Variants in CNTN5 observed in about 807,000 individuals in gnomAD.
CNTN5 encodes the protein contactin-5.
Under a neutral mutation model 129.1 loss-of-function variants are expected in CNTN5, and 77 were observed. The observed-to-expected ratio is 0.60, with a 90% confidence interval of 0.50 to 0.72. The LOEUF (loss-of-function observed/expected upper bound fraction) is 0.72. Among genes scored for constraint, CNTN5 ranks in the 30% least tolerant of loss-of-function variants. The pLI is 0.00. For missense variants in CNTN5, 1,478 were observed against 1,328.8 expected (o/e 1.11, Z -1.75); for synonymous variants, 509 against 465.6 (o/e 1.09, Z -1.20).
At chr11:99,436,061 T>G (rs984438391) in intron 2 of CNTN5, among the ~76,000 whole-genome samples, 1 of 152,192 alleles carries the variant, frequency 6.6e-6, no homozygotes, top group Non-Finnish European at 1.5e-5. Flanking sequence ...TACTAATGCA[T>G]GATCTCATAT....
intron 1 of CNTN5, among the ~76,000 whole-genome samples, chr11:99,187,961 A>G (rs910661680): frequency 4.0e-5 from 6 of 151,858 alleles, no homozygotes; most frequent in African/African-American, 1.4e-4. Flanking sequence ...TTACTATTAT[A>G]AATATAAACA....
chr11:99,728,238 A>G (rs1395413312), intron 3 of CNTN5, among the ~76,000 whole-genome samples: 3 of 152,166 alleles, frequency 2.0e-5, no homozygotes, highest in Non-Finnish European at 4.4e-5. Context: ...GAAGGCATAG[A>G]TATTGAGCAG....
intron 2 of CNTN5, among the ~76,000 whole-genome samples, chr11:99,474,730 T>C (rs946704633): frequency 6.6e-6 from 1 of 152,122 alleles, no homozygotes; most frequent in African/African-American, 2.4e-5. Flanking sequence ...TTTTGAGCGT[T>C]TTCAAATAAA....
At chr11:99,652,835 C>A (rs760046651) in intron 3 of CNTN5, among the ~76,000 whole-genome samples, 2 of 151,992 alleles carry the variant, frequency 1.3e-5, no homozygotes, top group Non-Finnish European at 2.9e-5. Flanking sequence ...CAAAGTAGTA[C>A]CTTTCTAAAG....
intron 18 of CNTN5, among the ~76,000 whole-genome samples, chr11:100,291,670 G>T (rs1026836208): frequency 1.3e-5 from 2 of 151,330 alleles, no homozygotes; most frequent in African/African-American, 4.8e-5. Context: ...GTTAGTGGGT[G>T]CAGCGCACCA....
chr11:99,527,990 C>T (rs1014219606), intron 2 of CNTN5, among the ~76,000 whole-genome samples: 17 of 152,048 alleles, frequency 1.1e-4, no homozygotes. Context: ...GAAATTTTTA[C>T]AAATAACTGG....
intron 7 of CNTN5, among the ~76,000 whole-genome samples, chr11:99,916,739 G>T (rs968642824): frequency 6.6e-6 from 1 of 152,030 alleles, no homozygotes; most frequent in African/African-American, 2.4e-5. Flanking sequence ...ACGTCCTTTT[G>T]CAAGCTTACA....
chr11:99,470,883 G>A (rs1945145724), intron 2 of CNTN5, among the ~76,000 whole-genome samples: 1 of 151,962 alleles, frequency 6.6e-6, no homozygotes, highest in Non-Finnish European at 1.5e-5. Flanking sequence ...ACTTTCACAA[G>A]TATAGATTCA....
intron 3 of CNTN5, among the ~76,000 whole-genome samples, chr11:99,664,459 A>C (rs1952712363): frequency 6.6e-6 from 1 of 152,146 alleles, no homozygotes; most frequent in African/African-American, 2.4e-5. Flanking sequence ...GCAAGGGTGC[A>C]AGGAAAACCT....
intron 3 of CNTN5, among the ~76,000 whole-genome samples, chr11:99,594,375 G>A (rs1036567745): frequency 2.2e-4 from 33 of 152,216 alleles, no homozygotes; most frequent in African/African-American, 7.7e-4. Context: ...CCTGTCTGGG[G>A]GATGTTGCTG....
In CNTN5 at chr11:99,544,639, AT is replaced by A. The variant is rs797020566; in HGVS notation, c.-70-11496del. Among the ~76,000 whole-genome samples the A allele has an allele frequency of 4.4e-4, 66 of 150,616 alleles. 1 individual carries two copies. The East Asian group carries it at 7.0e-3, about 16-fold the overall frequency. On this transcript the variant is annotated intron_variant, in intron 2 of 24. Transcript: ENST00000524871. Reference sequence around the variant, plus strand: ...GGAGAAATTATAGTGACTCTACTGAATTTTTTTTTTATCTGTGAGGTTTCAA... The same window carrying A: ...GGAGAAATTATAGTGACTCTACTGAATTTTTTTTTATCTGTGAGGTTTCAA...
At chr11:99,943,183 C>G (rs1375263726) in intron 7 of CNTN5, among the ~76,000 whole-genome samples, 1 of 152,158 alleles carries the variant, frequency 6.6e-6, no homozygotes, top group East Asian at 1.9e-4. Flanking sequence ...TTCTCCACAT[C>G]TTTGTCAGCA....
At chr11:100,050,079 G>T (rs908454410) in intron 9 of CNTN5, among the ~76,000 whole-genome samples, 4 of 152,110 alleles carry the variant, frequency 2.6e-5, no homozygotes, top group Admixed American at 1.3e-4. Flanking sequence ...ATTCCTCAGG[G>T]ATCTAGAACT....
intron 13 of CNTN5, among the ~76,000 whole-genome samples, chr11:100,173,944 C>T (rs1481401251): frequency 1.3e-5 from 2 of 152,112 alleles, no homozygotes; most frequent in African/African-American, 2.4e-5. Context: ...AGACTTTCCT[C>T]CTCACAGCTG....
At chr11:99,650,175 G>T (rs1952101464) in intron 3 of CNTN5, among the ~76,000 whole-genome samples, 1 of 151,850 alleles carries the variant, frequency 6.6e-6, no homozygotes, top group East Asian at 1.9e-4. Flanking sequence ...TAATATTACA[G>T]AGTCACAAGA....
intron 6 of CNTN5, among the ~76,000 whole-genome samples, chr11:99,864,452 C>G (rs1004689745): frequency 5.3e-5 from 8 of 152,056 alleles, no homozygotes; most frequent in African/African-American, 1.9e-4. Flanking sequence ...TTTGTGCACC[C>G]TTTTTAGATG....
intron 1 of CNTN5, among the ~76,000 whole-genome samples, chr11:99,290,811 C>T (rs1864142324): frequency 6.6e-6 from 1 of 151,806 alleles, no homozygotes; most frequent in African/African-American, 2.4e-5. Flanking sequence ...CCAGTAATCA[C>T]TGATGAAATG....
intron 13 of CNTN5, among the ~76,000 whole-genome samples, chr11:100,107,056 C>T (rs553396907): frequency 6.6e-6 from 1 of 152,224 alleles, no homozygotes; most frequent in East Asian, 1.9e-4. Flanking sequence ...AAATAATTAA[C>T]TCAGATTTAG....
chr11:99,080,980 G>GTTTTTTT lies in CNTN5; in HGVS notation c.-210+59723_-210+59729dup, dbSNP rs766619743. Among the ~76,000 whole-genome samples the GTTTTTTT allele has an allele frequency of 3.2e-3, 363 of 112,412 alleles. 11 individuals carry two copies. Among genetic ancestry groups the GTTTTTTT allele is most frequent in the African/African-American group, 0.011 (324 of 30,000 alleles). The allele number at this position is 112,412 out of a possible 152,430, so 73.7% of individuals were successfully genotyped here. A position where few individuals can be genotyped will look rare whatever the true frequency, so the allele number is the denominator to read the frequency against. ...TTGTTGCCCACCTACTGAGAAATCAGTTTTTTTTTTTTTTTTTTTCAGAAG... is the reference window on the plus strand; with the variant it reads ...TTGTTGCCCACCTACTGAGAAATCAGTTTTTTTTTTTTTTTTTTTTTTTTTTCAGAAG... On this transcript the variant is annotated intron_variant, in intron 1 of 24. Transcript: ENST00000524871.
Sources: allele counts gnomAD v4.1 joint callset (sites outside exome capture counted in the v4.1 genomes callset), GRCh38; gene constraint gnomAD v4.1.1; transcripts MANE v1.5; gene names NCBI Gene and HGNC (gene_info 2026-07-23, HGNC 2026-07-21).